The following ZNF790 variants were observed in gnomAD, a reference collection of about 807,000 sequenced individuals.
ZNF790 encodes zinc finger protein 790.
A neutral mutation model predicts 12.1 loss-of-function variants in ZNF790; 8 were observed. That is an observed-to-expected ratio of 0.66 (90% CI 0.39 to 1.19). The LOEUF is 1.19. ZNF790 is among the 50% of genes most tolerant of loss of function. The pLI is 0.01. For missense variants in ZNF790, 707 were observed against 752.2 expected (o/e 0.94, Z 0.70); for synonymous variants, 252 against 244.3 (o/e 1.03, Z -0.29).
chr19:36,837,623 A>G (rs2072072369), intron 1 of ZNF790: 1 of 151,376 alleles, frequency 6.6e-6, no homozygotes, highest in South Asian at 2.1e-4. Flanking sequence ...ATTTTTTTTA[A>G]TTCTTGCATT....
intron 1 of ZNF790, among the ~76,000 whole-genome samples, chr19:36,836,045 TCATTCTGC>T (rs2072037923): frequency 7.9e-5 from 12 of 152,104 alleles, no homozygotes; most frequent in African/African-American, 2.9e-4. Flanking sequence ...TGCAGGGCCA[TCATTCTGC>T]CTACCTTGAC....
Position 36,838,142 on chromosome 19 carries a change from ACAC to A in ZNF790, c.-74+192_-74+194del, listed in dbSNP as rs2072088805. On this transcript the variant is annotated intron_variant, in intron 1 of 4. Transcript: ENST00000356725. This position sits in a 1 kb window ranked among gnomAD's most constrained non-coding sequence, Gnocchi z 4.4. Reference sequence around the variant, plus strand: ...CACACACACACATACACACACACACACACAAGCTCCCGTCGCGGCCCCAGCTCC... The same window carrying A: ...CACACACACACATACACACACACACAAAGCTCCCGTCGCGGCCCCAGCTCC... 1 of 149,138 alleles carries A rather than the reference ACAC, an allele frequency of 6.7e-6. No individual in the cohort carries two copies. The highest frequency in any genetic ancestry group is 2.5e-5 in the African/African-American group (1 of 40,030). The allele number at this position is 149,138 out of a possible 1,614,324, so 9.2% of individuals were successfully genotyped here.
intron 1 of ZNF790, among the ~76,000 whole-genome samples, chr19:36,843,511 G>A (rs1490251606): frequency 2.6e-5 from 4 of 152,138 alleles, no homozygotes; most frequent in African/African-American, 4.8e-5. Context: ...CTCCACAACC[G>A]TAATGGAGCC....
intron 1 of ZNF790, among the ~76,000 whole-genome samples, chr19:36,827,141 C>CACACACACATATATATATATATATAT: frequency 1.2e-5 from 1 of 84,444 alleles, no homozygotes; most frequent in South Asian, 4.1e-4. Context: ...CACACACACA[C>CACACACACATATATATATATATATAT]ATATATATAT....
At chr19:36,850,761 G>C (rs1038530383), upstream of ZNF790, 12 of 152,290 alleles carry the variant, frequency 7.9e-5, no homozygotes, top group Non-Finnish European at 2.9e-5. Context: ...TGGCTGGGCT[G>C]TAGCTTTCGG....
chr19:36,823,669 A>G lies in ZNF790; in HGVS notation c.131T>C (p.Leu44Pro), dbSNP rs1451563225. The G allele has an allele frequency of 1.2e-6, 2 of 1,604,970 alleles. No homozygotes were observed. The highest frequency in any genetic ancestry group is 1.7e-6 in the Non-Finnish European group (2 of 1,178,022). The change falls in exon 3 of 5, where the codon CTG (leucine) becomes CCG (proline). Residue 44 changes from leucine to proline, a missense_variant and splice_region_variant. Leu to Pro is a moderately conservative substitution (Grantham distance 98). Transcript: ENST00000356725. ...CTAAGGAAAATGCTGAATCTTACCC[A>G]GTGAGACCATGTTGCTGTAGTTCTC... ...MLENYSNMVS[L>P]GFCIYQPEAF...
Position 36,819,869 on chromosome 19 carries a change from G to A in ZNF790, c.475C>T (p.Leu159=), listed in dbSNP as rs376102145. The change falls in exon 5 of 5, where the codon CTA becomes TTA. Residue 159 remains leucine (L), a synonymous_variant. Transcript: ENST00000356725. The part of the protein sequence containing the change: ...PTFNQHTVFN[L]HQRLNTGDKL... ...TCTCCTGTATTAAGTCTCTGGTGTA[G>A]ATTAAACACTGTATGCTGGTTAAAA... 19 of 1,614,052 alleles carry A rather than the reference G, an allele frequency of 1.2e-5. No homozygotes were observed. The African/African-American group carries it at 2.1e-4, about 18-fold the overall frequency.
rs749267913 is a variant in ZNF790 at position 36,819,598 on chromosome 19, G to A, written c.746C>T (p.Thr249Ile). Reference sequence around the variant, plus strand: ...CTTACATTTAAAAGGTTTCTCACCGGTATGAATTCTCTTATGACCAGTAAG... The same window carrying A: ...CTTACATTTAAAAGGTTTCTCACCGATATGAATTCTCTTATGACCAGTAAG... Reference protein sequence around the residue: ...SSLTGHKRIHTGEKPFKCKDC... With the variant: ...SSLTGHKRIHIGEKPFKCKDC... The change falls in exon 5 of 5, where the codon ACC (threonine) becomes ATC (isoleucine). Residue 249 changes from threonine (T) to isoleucine (I), a missense_variant. By Grantham distance (89) the Thr-to-Ile change is moderately conservative. Transcript: ENST00000356725. 1.2e-6 allele frequency: 2 copies of A among 1,608,934 alleles called. No homozygotes were observed. Among genetic ancestry groups the A allele is most frequent in the Admixed American group, 1.7e-5 (1 of 58,918 alleles).
At chr19:36,846,327 T>C (rs1299758799) in intron 1 of ZNF790, among the ~76,000 whole-genome samples, 1 of 151,792 alleles carries the variant, frequency 6.6e-6, no homozygotes, top group Non-Finnish European at 1.5e-5. Context: ...GGGAGGACGA[T>C]GCGGGCAGAT....
intron 1 of ZNF790, among the ~76,000 whole-genome samples, chr19:36,849,495 T>G (rs919057446): frequency 2.0e-5 from 3 of 152,078 alleles, no homozygotes; most frequent in Non-Finnish European, 4.4e-5. Context: ...CCCATATGCA[T>G]CTATTATGAC....
At chr19:36,843,473 G>C (rs1338484973) in intron 1 of ZNF790, among the ~76,000 whole-genome samples, 1 of 152,110 alleles carries the variant, frequency 6.6e-6, no homozygotes, top group Non-Finnish European at 1.5e-5. Flanking sequence ...TACGTCCTAG[G>C]AGCAGGCAAA....
intron 1 of ZNF790, among the ~76,000 whole-genome samples, chr19:36,843,530 A>G (rs1351894572): frequency 6.6e-6 from 1 of 152,166 alleles, no homozygotes; most frequent in African/African-American, 2.4e-5. Flanking sequence ...CCCTGACTCA[A>G]CTCAATCACT....
At chr19:36,831,825 C>T (rs950901501) in intron 1 of ZNF790, among the ~76,000 whole-genome samples, 3 of 151,854 alleles carry the variant, frequency 2.0e-5, no homozygotes, top group Non-Finnish European at 2.9e-5. Flanking sequence ...TATAAATAAA[C>T]GTGATGAAAA....
rs771323220 is a variant in ZNF790 at position 36,819,068 on chromosome 19, G to A, written c.1276C>T (p.Gln426Ter). The change falls in exon 5 of 5, where the codon CAA becomes TAA. Residue 426 changes from glutamine to a stop codon, truncating the protein, a stop_gained. Coordinates refer to ENST00000356725, the MANE Select transcript of ZNF790 (RefSeq NM_206894.4). LOFTEE classifies it low-confidence loss of function (END_TRUNC). ...GCCCAAGTAAAAGTCTTCCCGCATT[G>A]CTTACATTCATAAGGTTTCCTGCCA... is the stretch of plus-strand genomic sequence containing the variant. ...HTGRKPYECKQCGKTFTWASY... is the reference protein window; with the variant it reads ...HTGRKPYECK 2 of 1,613,946 alleles carry A rather than the reference G, an allele frequency of 1.2e-6. No homozygotes were observed. Among genetic ancestry groups the A allele is most frequent in the Admixed American group, 1.7e-5 (1 of 59,990 alleles).
intron 1 of ZNF790, among the ~76,000 whole-genome samples, chr19:36,836,380 T>C (rs1490946750): frequency 6.6e-6 from 1 of 151,992 alleles, no homozygotes; most frequent in African/African-American, 2.4e-5. Context: ...ATAAGTCAAC[T>C]ATTGAAGAGA....
At chr19:36,829,803 G>A (rs2071910109) in intron 1 of ZNF790, among the ~76,000 whole-genome samples, 1 of 152,124 alleles carries the variant, frequency 6.6e-6, no homozygotes, top group Non-Finnish European at 1.5e-5. Flanking sequence ...CCGACCTCAG[G>A]TGATCCGCCC....
chr19:36,849,052 C>G (rs929996824), intron 1 of ZNF790, among the ~76,000 whole-genome samples: 1 of 152,126 alleles, frequency 6.6e-6, no homozygotes, highest in African/African-American at 2.4e-5. Context: ...TTCAGTCTCC[C>G]AAAGTGCTGG....
intron 1 of ZNF790, among the ~76,000 whole-genome samples, chr19:36,827,141 C>CACACACACACACATATATATATATAT (rs1313807327): frequency 2.4e-5 from 2 of 84,444 alleles, no homozygotes; most frequent in Admixed American, 1.4e-4. Context: ...CACACACACA[C>CACACACACACACATATATATATATAT]ATATATATAT....
In ZNF790 at chr19:36,819,837, C is replaced by A; in HGVS notation, c.507G>T (p.Leu169=). 2 of 1,613,716 alleles carry A rather than the reference C, an allele frequency of 1.2e-6. No homozygotes were observed. Among genetic ancestry groups the A allele is most frequent in the South Asian group, 2.2e-5 (2 of 91,056 alleles). ...LHQRLNTGDK[L]NEFKELGKAF... is the part of the protein sequence containing the mutation. ...CTTTCCCCAGTTCTTTAAATTCATT[C>A]AGTTTGTCTCCTGTATTAAGTCTCT... Residue 169 remains leucine (L), a synonymous_variant, in exon 5 of 5, where the codon CTG becomes CTT. Transcript: ENST00000356725.
Sources: gnomAD v4.1 joint callset for allele counts (sites outside exome capture counted in the v4.1 genomes callset) on GRCh38, gnomAD v4.1.1 for gene constraint, Gnocchi (gnomAD v3.1) non-coding constraint, MANE v1.5 for transcripts, NCBI Gene and HGNC (gene_info 2026-07-23, HGNC 2026-07-21) for gene names.